The following FEZ1 variants were observed in gnomAD, a reference collection of about 807,000 sequenced individuals.
The protein encoded by FEZ1 is fasciculation and elongation protein zeta-1.
Under a neutral mutation model 49.3 loss-of-function variants are expected in FEZ1, and 20 were observed. The observed-to-expected ratio is 0.41, with a 90% CI of 0.29 to 0.59. The LOEUF is 0.59. FEZ1 is among the 20% of genes least tolerant of loss of function. The pLI is 0.36. For missense variants in FEZ1, 413 were observed against 476.0 expected (o/e 0.87, Z 1.23); for synonymous variants, 170 against 180.9 (o/e 0.94, Z 0.48).
chr11:125,468,903 C>T (rs1957158364), intron 3 of FEZ1: 1 of 152,200 alleles, frequency 6.6e-6, no homozygotes, highest in African/African-American at 2.4e-5. Context: ...GGGACTGCAT[C>T]CTCTCAGCTC....
chr11:125,448,222 C>G (rs1419491456), intron 9 of FEZ1, among the ~76,000 whole-genome samples: 4 of 152,200 alleles, frequency 2.6e-5, no homozygotes, highest in Non-Finnish European at 5.9e-5. Flanking sequence ...CAACTAAATA[C>G]TAAGTAGCCC....
intron 5 of FEZ1, chr11:125,456,387 G>C: frequency 2.6e-6 from 1 of 383,186 alleles, no homozygotes; most frequent in Non-Finnish European, 4.6e-6. Flanking sequence ...AAATGGGGAT[G>C]GTTTGTTCCT....
chr11:125,463,606 C>T lies in FEZ1; in HGVS notation c.412-36G>A, dbSNP rs1565536015. On this transcript the variant is annotated intron_variant, in intron 3 of 9. Transcript: ENST00000278919. ...GGTGGGGAGATGGAATTCTGGGTGACCATCAGCAGAAGTGGGATTGCCTCT... is the reference window on the plus strand; with the variant it reads ...GGTGGGGAGATGGAATTCTGGGTGATCATCAGCAGAAGTGGGATTGCCTCT... The T allele has an allele frequency of 3.0e-6, 4 of 1,319,448 alleles. No individual in the cohort carries two copies. The East Asian group carries it at 9.2e-5, about 30-fold the overall frequency. The allele number at this position is 1,319,448 out of a possible 1,614,324, so 81.7% of individuals were successfully genotyped here.
chr11:125,483,733 G>A (rs1169576573), intron 2 of FEZ1, among the ~76,000 whole-genome samples: 2 of 152,194 alleles, frequency 1.3e-5, no homozygotes, highest in African/African-American at 4.8e-5. Flanking sequence ...CCACAGAAAT[G>A]AAATTCAGCA....
intron 3 of FEZ1, among the ~76,000 whole-genome samples, chr11:125,479,800 A>C (rs879015844): frequency 3.3e-5 from 5 of 152,164 alleles, no homozygotes; most frequent in Admixed American, 3.3e-4. Flanking sequence ...CTGCCACCAG[A>C]GCTGTGAAAA....
Position 125,495,183 on chromosome 11 carries a change from T to G in FEZ1, c.-46+938A>C. 1 of 357,482 alleles carries G rather than the reference T, an allele frequency of 2.8e-6. No individual in the cohort carries two copies. Among genetic ancestry groups the G allele is most frequent in the Non-Finnish European group, 5.8e-6 (1 of 171,744 alleles). 22.1% of individuals were successfully genotyped at this position (357,482 alleles called of 1,614,324 possible). On this transcript the variant is annotated intron_variant, in intron 1 of 9. Transcript: ENST00000278919. This position sits in a 1 kb window ranked among gnomAD's most constrained non-coding sequence, Gnocchi z 4.2. The stretch of plus-strand genomic sequence containing the variant: ...TCTCAGATCCCCCTCCTCCCCCCAG[T>G]CCGGTGGGGTAAAGAAAGCCTCCTC...
At chr11:125,494,710 A>G (rs1329077970) in intron 1 of FEZ1, among the ~76,000 whole-genome samples, 1 of 152,184 alleles carries the variant, frequency 6.6e-6, no homozygotes, top group Non-Finnish European at 1.5e-5. Flanking sequence ...AAGAAAAGAC[A>G]CTCACGGGGC....
At position 125,444,252 on chromosome 11, in the gene FEZ1, G is replaced by A. The variant is rs79279736; in HGVS notation, c.*1843C>T. The stretch of plus-strand genomic sequence containing the variant: ...AGTTTTCCTGGGGGGATAAGTCTCC[G>A]CCACCCCTAGCTAAGATTGCTAGTG... On this transcript the variant is annotated 3_prime_UTR_variant, in exon 10 of 10. Coordinates refer to ENST00000278919, the MANE Select transcript of FEZ1 (RefSeq NM_005103.5). Among the ~76,000 whole-genome samples, 1 of 152,150 alleles carries A rather than the reference G, an allele frequency of 6.6e-6. No individual in the cohort carries two copies. Among genetic ancestry groups the A allele is most frequent in the East Asian group, 1.9e-4 (1 of 5,190 alleles).
At chr11:125,471,994 A>C (rs1160010812) in intron 3 of FEZ1, among the ~76,000 whole-genome samples, 1 of 152,164 alleles carries the variant, frequency 6.6e-6, no homozygotes, top group Non-Finnish European at 1.5e-5. Flanking sequence ...GAAATTCAGC[A>C]GCAAACTGCC....
chr11:125,493,344 AG>A, intron 1 of FEZ1, among the ~76,000 whole-genome samples: 4 of 143,004 alleles, frequency 2.8e-5, no homozygotes, highest in Admixed American at 1.5e-4. Flanking sequence ...CAAGAAAGAA[AG>A]AAAGAAAGAA....
chr11:125,448,418 A>G, intron 9 of FEZ1, 84 bp downstream of exon 9: 1 of 891,452 alleles, frequency 1.1e-6, no homozygotes. Flanking sequence ...CTGGTCTGGC[A>G]TGGGCAAGCT....
chr11:125,491,209 C>T (rs541199526), intron 1 of FEZ1, among the ~76,000 whole-genome samples: 18 of 152,330 alleles, frequency 1.2e-4, no homozygotes, highest in South Asian at 8.3e-4. Flanking sequence ...CACCCTGGAA[C>T]GCTGCACACA....
At chr11:125,481,503 C>A (rs752035877) in intron 3 of FEZ1, 31 bp downstream of exon 3, 8 of 1,219,304 alleles carry the variant, frequency 6.6e-6, no homozygotes, top group African/African-American at 1.5e-5. Flanking sequence ...ACATCTCAAG[C>A]CCTGCTAAAC....
chr11:125,454,121 T>A lies in FEZ1; in HGVS notation c.1020+9A>T, dbSNP rs1367850861. 6.2e-7 allele frequency: 1 copy of A among 1,607,498 alleles called. No homozygotes were observed. The highest frequency in any genetic ancestry group is 2.2e-5 in the East Asian group (1 of 44,772). ...GGAAGAGAGCTTGGAGCAGGGAGACTACGCGTACCTGTTTGTCAGTTCCTG... is the reference window on the plus strand; with the variant it reads ...GGAAGAGAGCTTGGAGCAGGGAGACAACGCGTACCTGTTTGTCAGTTCCTG... On this transcript the variant is annotated intron_variant, in intron 7 of 9. Transcript: ENST00000278919.
At chr11:125,494,338 T>G (rs889562203) in intron 1 of FEZ1, among the ~76,000 whole-genome samples, 2 of 152,176 alleles carry the variant, frequency 1.3e-5, no homozygotes, top group Admixed American at 6.5e-5. Flanking sequence ...GACCCTGCCT[T>G]CCTTCCTTTA....
At chr11:125,488,977 A>T (rs540604644) in intron 2 of FEZ1, 380 of 985,570 alleles carry the variant, frequency 3.9e-4, no homozygotes, top group Middle Eastern at 5.2e-4. Context: ...AGTTCAGTTT[A>T]GATGCTTTCT....
At chr11:125,476,209 T>C (rs1045569754) in intron 3 of FEZ1, among the ~76,000 whole-genome samples, 6 of 152,202 alleles carry the variant, frequency 3.9e-5, no homozygotes, top group East Asian at 1.9e-4. Context: ...TTCGCAGATA[T>C]ATGCAGATGT....
At chr11:125,486,330 GT>G (rs1957326486) in intron 2 of FEZ1, among the ~76,000 whole-genome samples, 6 of 152,180 alleles carry the variant, frequency 3.9e-5, no homozygotes, top group African/African-American at 1.4e-4. Context: ...CCATTTTGTA[GT>G]GACCCCTAAG....
At chr11:125,465,956 C>A (rs1351090311) in intron 3 of FEZ1, among the ~76,000 whole-genome samples, 1 of 152,182 alleles carries the variant, frequency 6.6e-6, no homozygotes, top group African/African-American at 2.4e-5. Flanking sequence ...AGGACAGTAT[C>A]TTGTGCACAG....
Sources: gnomAD v4.1 joint callset for allele counts (sites outside exome capture counted in the v4.1 genomes callset) on GRCh38, gnomAD v4.1.1 for gene constraint, Gnocchi (gnomAD v3.1) non-coding constraint, MANE v1.5 for transcripts, NCBI Gene and HGNC (gene_info 2026-07-23, HGNC 2026-07-21) for gene names.